UNC93A: variants seen among roughly 807,000 people sequenced by gnomAD.
UNC93A encodes unc-93 homolog A, also known as N-acetylglucosamine transporter UNC93A.
In UNC93A, 43 loss-of-function variants were observed where a neutral mutation model predicts 47.5. The ratio of observed to expected loss-of-function variants is 0.91; its 90% CI spans 0.71 to 1.17. The LOEUF (loss-of-function observed/expected upper bound fraction) is 1.17, where lower values mean the gene tolerates loss of function less well. UNC93A is among the 50% of genes most tolerant of loss of function. UNC93A has a pLI of 0.00. For synonymous variants in UNC93A, 280 were observed against 258.0 expected (o/e 1.09, Z -0.82); for missense variants, 605 against 577.6 (o/e 1.05, Z -0.49).
At chr6:167,273,344 C>T (rs531854022) in intron 1 of UNC93A, among the ~76,000 whole-genome samples, 3 of 151,482 alleles carry the variant, frequency 2.0e-5, no homozygotes, top group Admixed American at 1.3e-4. Flanking sequence ...ACAGAGCTGC[C>T]TCCATCGGGT....
chr6:167,281,790 G>A (rs966383057), intron 1 of UNC93A, among the ~76,000 whole-genome samples: 2 of 152,172 alleles, frequency 1.3e-5, no homozygotes, highest in South Asian at 2.1e-4. Flanking sequence ...GGCCCAGCCC[G>A]GCCAGCCAGC....
chr6:167,295,348 C>T (rs1335562523), intron 2 of UNC93A, among the ~76,000 whole-genome samples: 3 of 152,260 alleles, frequency 2.0e-5, no homozygotes, highest in Non-Finnish European at 4.4e-5. Flanking sequence ...CCGAGCCGGT[C>T]ACTAGGTCTT....
In UNC93A at chr6:167,294,501, G is replaced by A. The variant is rs746376543; in HGVS notation, c.88-16G>A. ...GTCCATCCTGTGCTCTGACAGGGCT[G>A]GCTTTGTTCCCACAGAGCAGCCTGT... On this transcript the variant is annotated splice_polypyrimidine_tract_variant and intron_variant, in intron 1 of 7. Transcript: ENST00000230256. The A allele has an allele frequency of 6.2e-7, 1 of 1,613,492 alleles. No homozygotes were observed. Among genetic ancestry groups the A allele is most frequent in the Non-Finnish European group, 8.5e-7 (1 of 1,179,750 alleles).
intron 5 of UNC93A, 79 bp downstream of exon 5, chr6:167,304,212 G>A (rs761002296): frequency 5.1e-5 from 77 of 1,511,142 alleles, no homozygotes; most frequent in African/African-American, 1.8e-4. Context: ...CTGCAGGACC[G>A]CAGAGTGTCT....
chr6:167,299,099 C>A (rs1194171116), intron 4 of UNC93A, among the ~76,000 whole-genome samples: 1 of 131,950 alleles, frequency 7.6e-6, no homozygotes, highest in African/African-American at 3.0e-5. Flanking sequence ...GCCTGGGCAA[C>A]AGAGCGAGAC....
At chr6:167,298,273 T>C in intron 4 of UNC93A, 1 of 714,376 alleles carries the variant, frequency 1.4e-6, no homozygotes, top group Non-Finnish European at 2.1e-6. Flanking sequence ...TAACAGAGGA[T>C]CCTGGGGTGA....
At chr6:167,283,527 C>G (rs1205112346) in intron 1 of UNC93A, among the ~76,000 whole-genome samples, 1 of 152,154 alleles carries the variant, frequency 6.6e-6, no homozygotes, top group Non-Finnish European at 1.5e-5. Context: ...CTACAGTTAT[C>G]TGAAAGTGGG....
chr6:167,303,145 G>A (rs1020723549), intron 4 of UNC93A, among the ~76,000 whole-genome samples: 11 of 152,302 alleles, frequency 7.2e-5, no homozygotes, highest in African/African-American at 1.7e-4. Context: ...AAGGGTGTGC[G>A]GTGGGGAGTC....
At chr6:167,279,170 C>T (rs758561491) in intron 1 of UNC93A, among the ~76,000 whole-genome samples, 49 of 152,298 alleles carry the variant, frequency 3.2e-4, no homozygotes, top group Middle Eastern at 3.4e-3. Context: ...ATCTATGGCA[C>T]ATACTTTTAG....
intron 1 of UNC93A, among the ~76,000 whole-genome samples, chr6:167,282,376 G>A (rs527357585): frequency 6.6e-6 from 1 of 152,202 alleles, no homozygotes; most frequent in South Asian, 2.1e-4. Context: ...TGCATAGGGG[G>A]CCCCACCAAG....
chr6:167,290,019 T>C (rs1473608254), upstream of UNC93A, among the ~76,000 whole-genome samples: 1 of 152,208 alleles, frequency 6.6e-6, no homozygotes, highest in African/African-American at 2.4e-5. Context: ...ATTTTTGCTA[T>C]ATATCGGGTG....
In UNC93A at chr6:167,296,259, A is replaced by C. The variant is rs1348954765; in HGVS notation, c.497A>C (p.Gln166Pro). Residue 166 changes from glutamine to proline, a missense_variant and splice_region_variant, in exon 3 of 8, where the codon CAA becomes CCA. Transcript: ENST00000230256. Reference sequence around the variant, plus strand: ...CTGGTATTTGGCCAGACTCCCAGCCAAGGTAAAAGGAAAAGGGGCAAGCAA... The same window carrying C: ...CTGGTATTTGGCCAGACTCCCAGCCCAGGTAAAAGGAAAAGGGGCAAGCAA... ...SSLVFGQTPS[Q>P]ETLPEEQLTS... 6.2e-7 allele frequency: 1 copy of C among 1,614,160 alleles called. No homozygotes were observed. Among genetic ancestry groups the C allele is most frequent in the South Asian group, 1.1e-5 (1 of 91,082 alleles).
upstream of UNC93A, among the ~76,000 whole-genome samples, chr6:167,270,302 T>G (rs1783431431): frequency 6.6e-6 from 1 of 152,152 alleles, no homozygotes; most frequent in Admixed American, 6.5e-5. Context: ...AGACAGAACT[T>G]GTCACAAGTC....
chr6:167,312,098 C>T (rs392778), intron 7 of UNC93A, among the ~76,000 whole-genome samples: 2 of 147,816 alleles, frequency 1.4e-5, no homozygotes, highest in African/African-American at 4.9e-5. Context: ...TGACCTGGAC[C>T]CTTTTGAAGA....
intron 2 of UNC93A, 40 bp from the exon 3 acceptor site, chr6:167,295,992 G>A (rs367621459): frequency 6.7e-5 from 107 of 1,588,112 alleles, no homozygotes; most frequent in Admixed American, 3.9e-4. Flanking sequence ...ATGGGCTTGC[G>A]TCTCCTGTTA....
chr6:167,289,973 G>A (rs1211378997), upstream of UNC93A, among the ~76,000 whole-genome samples: 1 of 152,182 alleles, frequency 6.6e-6, no homozygotes, highest in African/African-American at 2.4e-5. Flanking sequence ...AACATTTATT[G>A]GTGAAGTTGA....
chr6:167,273,130 C>T (rs1453345412), intron 1 of UNC93A, among the ~76,000 whole-genome samples: 1 of 152,230 alleles, frequency 6.6e-6, no homozygotes, highest in South Asian at 2.1e-4. Context: ...ACCCAGGTGA[C>T]ATCAATCACT....
intron 1 of UNC93A, among the ~76,000 whole-genome samples, chr6:167,276,497 A>G (rs1783545368): frequency 6.6e-6 from 1 of 152,102 alleles, no homozygotes; most frequent in African/African-American, 2.4e-5. Context: ...AACCTTGTAC[A>G]ATAGTATTAT....
At chr6:167,305,146 A>G (rs1339491750) in intron 5 of UNC93A, among the ~76,000 whole-genome samples, 1 of 152,174 alleles carries the variant, frequency 6.6e-6, no homozygotes, top group Non-Finnish European at 1.5e-5. Context: ...CAAGATAAAA[A>G]GCACCTCAGC....
Sources: allele counts gnomAD v4.1 joint callset (sites outside exome capture counted in the v4.1 genomes callset), GRCh38; gene constraint gnomAD v4.1.1; transcripts MANE v1.5; gene names NCBI Gene and HGNC (gene_info 2026-07-23, HGNC 2026-07-21).